Variants in GRM2 observed in about 807,000 individuals in gnomAD.
The protein encoded by GRM2 is glutamate metabotropic receptor 2.
Under a neutral mutation model 60.4 loss-of-function variants are expected in GRM2, and 35 were observed. The ratio of observed to expected loss-of-function variants is 0.58; its 90% CI spans 0.44 to 0.77. The LOEUF (loss-of-function observed/expected upper bound fraction) is 0.77. GRM2 is among the 30% of genes least tolerant of loss of function. The pLI, the probability that GRM2 is intolerant of heterozygous loss-of-function variation, is 0.00. For synonymous variants in GRM2, 437 were observed against 484.1 expected, an observed-to-expected ratio of 0.90 and a Z score of 1.28; for missense variants, 925 against 1,199.5, an observed-to-expected ratio of 0.77 and a Z score of 3.38.
At chr3:51,714,410 A>T in intron 3 of GRM2, 1 of 153,756 alleles carries the variant, frequency 6.5e-6, no homozygotes, top group South Asian at 2.0e-4. Context: ...GGGGCCAGGG[A>T]TGGCTGTAAA....
Position 51,712,086 on chromosome 3 carries a change from G to A in GRM2, c.451-387G>A, listed in dbSNP as rs1703730465. Among the ~76,000 whole-genome samples, 1 of 152,164 alleles carries A rather than the reference G, an allele frequency of 6.6e-6. No homozygotes were observed. Among genetic ancestry groups the A allele is most frequent in the South Asian group, 2.1e-4 (1 of 4,830 alleles). ...GGAAGGGCCACCTACCCTCAAATAA[G>A]TAGAGAGCCGAAGAGCCCTGAGTAG... On this transcript the variant is annotated intron_variant, in intron 2 of 5. Transcript: ENST00000395052. The surrounding 1 kb of genome is among the most constrained non-coding windows in gnomAD (Gnocchi z 5.3).
rs571296775 is a variant in GRM2, at chr3:51,716,949, G to T, written c.2365-688G>T. Among the ~76,000 whole-genome samples the T allele has an allele frequency of 9.2e-5, 14 of 152,252 alleles. No homozygotes were observed. The highest frequency in any genetic ancestry group is 3.4e-4 in the African/African-American group (14 of 41,530). On this transcript the variant is annotated intron_variant, in intron 4 of 5. Coordinates refer to ENST00000395052, the MANE Select transcript of GRM2 (RefSeq NM_000839.5). The surrounding 1 kb of genome is among the most constrained non-coding windows in gnomAD (Gnocchi z 4.0). ...AGTGCTGGGGGCCAGGGACCGCTGG[G>T]CTTGGCTGCTCTGCTTGCACCTGCT...
At position 51,712,853 on chromosome 3, in the gene GRM2, G is replaced by A; in HGVS notation, c.831G>A (p.Glu277=). Residue 277 remains glutamate, a synonymous_variant, in exon 3 of 6, where the codon GAG becomes GAA. Coordinates refer to ENST00000395052, the MANE Select transcript of GRM2 (RefSeq NM_000839.5). This position sits in a 1 kb window ranked among gnomAD's most constrained non-coding sequence, Gnocchi z 5.3. ...TCACCCGTTCTGAGGATGCCCGGGA[G>A]CTGCTTGCTGCCAGCCAGCGCCTCA... The part of the protein sequence containing the change: ...VLFTRSEDAR[E]LLAASQRLNA... The A allele has an allele frequency of 1.9e-6, 3 of 1,612,936 alleles. No individual in the cohort carries two copies. The highest frequency in any genetic ancestry group is 2.2e-5 in the South Asian group (2 of 91,084).
chr3:51,716,247 C>T lies in GRM2; in HGVS notation c.2364+110C>T. 1 of 726,044 alleles carries T rather than the reference C, an allele frequency of 1.4e-6. No homozygotes were observed. The highest frequency in any genetic ancestry group is 2.3e-6 in the Non-Finnish European group (1 of 430,128). 45.0% of individuals were successfully genotyped at this position (726,044 alleles called of 1,614,324 possible). A position where few individuals can be genotyped will look rare whatever the true frequency, so the allele number is the denominator to read the frequency against. ...TGGGGTTCCAAGAGGATAATGCCCA[C>T]TCAGGGGACCACAGCTTGTGTGGAT... On this transcript the variant is annotated intron_variant, in intron 4 of 5. Coordinates refer to ENST00000395052, the MANE Select transcript of GRM2 (RefSeq NM_000839.5). The surrounding 1 kb of genome is among the most constrained non-coding windows in gnomAD (Gnocchi z 4.0).
chr3:51,709,748 A>ACC, intron 2 of GRM2, among the ~76,000 whole-genome samples: 1 of 346 alleles, frequency 2.9e-3, no homozygotes, highest in Non-Finnish European at 5.2e-3. Context: ...ACACACCCAC[A>ACC]CACACCCAAC....
chr3:51,718,158 T>A lies in GRM2; in HGVS notation c.*46T>A. 6.7e-7 allele frequency: 1 copy of A among 1,497,366 alleles called. No homozygotes were observed. The highest frequency in any genetic ancestry group is 9.3e-7 in the Non-Finnish European group (1 of 1,073,244). 92.8% of individuals were successfully genotyped at this position (1,497,366 alleles called of 1,614,324 possible). On this transcript the variant is annotated 3_prime_UTR_variant, in exon 6 of 6. Coordinates refer to ENST00000395052, the MANE Select transcript of GRM2 (RefSeq NM_000839.5). This position sits in a 1 kb window ranked among gnomAD's most constrained non-coding sequence, Gnocchi z 4.2. Reference sequence around the variant, plus strand: ...GACACAGCTGCTCCTGGGAACCTAGTGCAGACCCACGTCCAGGGCCAGGAG... The same window carrying A: ...GACACAGCTGCTCCTGGGAACCTAGAGCAGACCCACGTCCAGGGCCAGGAG...
Position 51,717,895 on chromosome 3 carries a change from G to A in GRM2, c.2545+78G>A. Reference sequence around the variant, plus strand: ...CTTGGGTTGCTGAGATCTCTTGTCTGGGGGTGAGGTGCCCCCCAAATGACA... The same window carrying A: ...CTTGGGTTGCTGAGATCTCTTGTCTAGGGGTGAGGTGCCCCCCAAATGACA... On this transcript the variant is annotated intron_variant, in intron 5 of 5. Coordinates refer to ENST00000395052, the MANE Select transcript of GRM2 (RefSeq NM_000839.5). The surrounding 1 kb of genome is among the most constrained non-coding windows in gnomAD (Gnocchi z 6.0). The A allele has an allele frequency of 4.7e-6, 7 of 1,489,418 alleles. No individual in the cohort carries two copies. The highest frequency in any genetic ancestry group is 6.5e-6 in the Non-Finnish European group (7 of 1,069,026). 92.3% of individuals were successfully genotyped at this position (1,489,418 alleles called of 1,614,324 possible). A position where few individuals can be genotyped will look rare whatever the true frequency, so the allele number is the denominator to read the frequency against.
chr3:51,715,442 C>A lies in GRM2; in HGVS notation c.1669C>A (p.Pro557Thr). The change falls in exon 4 of 6, where the codon CCC becomes ACC. Residue 557 changes from proline to threonine, a missense_variant. Physicochemically the swap from Pro to Thr is conservative, Grantham distance 38. Coordinates refer to ENST00000395052, the MANE Select transcript of GRM2 (RefSeq NM_000839.5). This position sits in a 1 kb window ranked among gnomAD's most constrained non-coding sequence, Gnocchi z 9.0. ...CAGCCTGACTGGCTGCTTCGAACTG[C>A]CCCAGGAGTACATCCGCTGGGGCGA... ...NASLTGCFEL[P>T]QEYIRWGDAW... is the part of the protein sequence containing the mutation. 1.2e-6 allele frequency: 2 copies of A among 1,612,664 alleles called. No homozygotes were observed. The highest frequency in any genetic ancestry group is 1.7e-6 in the Non-Finnish European group (2 of 1,179,768).
rs141999707 is a variant in GRM2, at chr3:51,715,435, C to T, written c.1662C>T (p.Phe554=). 5.8e-5 allele frequency: 94 copies of T among 1,612,814 alleles called. No homozygotes were observed. The African/African-American group carries it at 8.8e-4, about 15-fold the overall frequency. Residue 554 remains phenylalanine, a synonymous_variant, in exon 4 of 6, where the codon TTC becomes TTT. Transcript: ENST00000395052. The surrounding 1 kb of genome is among the most constrained non-coding windows in gnomAD (Gnocchi z 9.0). ...YWPNASLTGC[F]ELPQEYIRWG... ...CCAATGCCAGCCTGACTGGCTGCTT[C>T]GAACTGCCCCAGGAGTACATCCGCT... is the stretch of plus-strand genomic sequence containing the variant.
Position 51,715,677 on chromosome 3 carries a change from G to A in GRM2, c.1904G>A (p.Arg635Gln), listed in dbSNP as rs780930849. 1.2e-5 allele frequency: 19 copies of A among 1,614,112 alleles called. No homozygotes were observed. Among genetic ancestry groups the A allele is most frequent in the South Asian group, 3.3e-5 (3 of 91,084 alleles). ...CCATCCACGGCAGTGTGTACCTTAC[G>A]GCGTCTTGGTTTGGGCACTGCCTTC... ...AKPSTAVCTLRRLGLGTAFSV... is the reference protein window; with the variant it reads ...AKPSTAVCTLQRLGLGTAFSV... Residue 635 changes from arginine to glutamine, a missense_variant, in exon 4 of 6, where the codon CGG (arginine) becomes CAG (glutamine). By Grantham distance (43) the Arg-to-Gln change is conservative. Coordinates refer to ENST00000395052, the MANE Select transcript of GRM2 (RefSeq NM_000839.5). The surrounding 1 kb of genome is among the most constrained non-coding windows in gnomAD (Gnocchi z 9.0).
Position 51,708,972 on chromosome 3 carries a change from C to G in GRM2, c.-12C>G. The G allele has an allele frequency of 1.3e-6, 2 of 1,552,834 alleles. No individual in the cohort carries two copies. The highest frequency in any genetic ancestry group is 8.7e-7 in the Non-Finnish European group (1 of 1,144,874). On this transcript the variant is annotated 5_prime_UTR_variant, in exon 2 of 6. Transcript: ENST00000395052. ...CCCAGGTCTGCGGGACCCATCCATC[C>G]CCTTTGGGGCCATGGGATCGCTGCT... is the stretch of plus-strand genomic sequence containing the variant.
At position 51,715,741 on chromosome 3, in the gene GRM2, C is replaced by T. The variant is rs1263896840; in HGVS notation, c.1968C>T (p.Arg656=). Residue 656 remains arginine, a synonymous_variant, in exon 4 of 6, where the codon CGC becomes CGT. Transcript: ENST00000395052. The surrounding 1 kb of genome is among the most constrained non-coding windows in gnomAD (Gnocchi z 9.0). The part of the protein sequence containing the change: ...CYSALLTKTN[R]IARIFGGARE... ...CAGCCCTGCTCACCAAGACCAACCGCATTGCACGCATCTTCGGTGGGGCCC... is the reference window on the plus strand; with the variant it reads ...CAGCCCTGCTCACCAAGACCAACCGTATTGCACGCATCTTCGGTGGGGCCC... The T allele has an allele frequency of 1.9e-6, 3 of 1,614,130 alleles. No individual in the cohort carries two copies. Among genetic ancestry groups the T allele is most frequent in the Non-Finnish European group, 1.7e-6 (2 of 1,179,966 alleles).
At chr3:51,714,849 T>C in intron 3 of GRM2, 1 of 430,826 alleles carries the variant, frequency 2.3e-6, no homozygotes, top group Non-Finnish European at 4.1e-6. Context: ...AGGGTTGGGG[T>C]TTGATGTTGG....
In GRM2 at chr3:51,716,579, T is replaced by G. The variant is rs1703904341; in HGVS notation, c.2364+442T>G. Among the ~76,000 whole-genome samples the G allele has an allele frequency of 6.6e-6, 1 of 152,156 alleles. No homozygotes were observed. Among genetic ancestry groups the G allele is most frequent in the African/African-American group, 2.4e-5 (1 of 41,424 alleles). Reference sequence around the variant, plus strand: ...CAGGTGAAAATTGTTCCCCAGTTGGTGGCTTCTGAGCAAATTTGGTTCCAA... The same window carrying G: ...CAGGTGAAAATTGTTCCCCAGTTGGGGGCTTCTGAGCAAATTTGGTTCCAA... On this transcript the variant is annotated intron_variant, in intron 4 of 5. Coordinates refer to ENST00000395052, the MANE Select transcript of GRM2 (RefSeq NM_000839.5). This position sits in a 1 kb window ranked among gnomAD's most constrained non-coding sequence, Gnocchi z 4.0.
chr3:51,709,141 T>C lies in GRM2; in HGVS notation c.158T>C (p.Val53Ala). The C allele has an allele frequency of 6.2e-7, 1 of 1,612,500 alleles. No individual in the cohort carries two copies. The highest frequency in any genetic ancestry group is 8.5e-7 in the Non-Finnish European group (1 of 1,179,568). Residue 53 changes from valine to alanine, a missense_variant, in exon 2 of 6, where the codon GTC becomes GCC. Coordinates refer to ENST00000395052, the MANE Select transcript of GRM2 (RefSeq NM_000839.5). ...GGCCCAGCAGAGGACTGTGGTCCTG[T>C]CAATGAGCACCGTGGCATCCAGCGC... is the stretch of plus-strand genomic sequence containing the variant. ...KGGPAEDCGP[V>A]NEHRGIQRLE...
Position 51,712,636 on chromosome 3 carries a change from C to A in GRM2, c.614C>A (p.Thr205Asn). ...GAGATTCTCCGCTTCTTCAACTGGA[C>A]CTATGTGTCCACTGTGGCGTCTGAG... ...MAEILRFFNWTYVSTVASEGD... is the reference protein window; with the variant it reads ...MAEILRFFNWNYVSTVASEGD... Residue 205 changes from threonine (T) to asparagine (N), a missense_variant, in exon 3 of 6, where the codon ACC (threonine) becomes AAC (asparagine). Physicochemically the swap from Thr to Asn is moderately conservative, Grantham distance 65. Coordinates refer to ENST00000395052, the MANE Select transcript of GRM2 (RefSeq NM_000839.5). This position sits in a 1 kb window ranked among gnomAD's most constrained non-coding sequence, Gnocchi z 5.3. 1.2e-6 allele frequency: 2 copies of A among 1,614,142 alleles called. No individual in the cohort carries two copies. The highest frequency in any genetic ancestry group is 1.7e-6 in the Non-Finnish European group (2 of 1,180,036).
rs1419300011 is a variant in GRM2, at chr3:51,715,612, C to T, written c.1839C>T (p.Val613=). 3.1e-6 allele frequency: 5 copies of T among 1,614,110 alleles called. No homozygotes were observed. The highest frequency in any genetic ancestry group is 2.7e-5 in the African/African-American group (2 of 74,948). Residue 613 remains valine (V), a synonymous_variant, in exon 4 of 6, where the codon GTC becomes GTT. Transcript: ENST00000395052. This position sits in a 1 kb window ranked among gnomAD's most constrained non-coding sequence, Gnocchi z 9.0. ...TCTGCTACATCCTGCTGGGTGGTGT[C>T]TTCCTCTGCTACTGCATGACCTTCA... is the stretch of plus-strand genomic sequence containing the variant. The part of the protein sequence containing the change: ...RELCYILLGG[V]FLCYCMTFIF...
rs765432763 is a variant in GRM2 at position 51,718,013 on chromosome 3, C to T, written c.2546-26C>T. The T allele has an allele frequency of 6.2e-7, 1 of 1,610,594 alleles. No individual in the cohort carries two copies. The highest frequency in any genetic ancestry group is 8.5e-7 in the Non-Finnish European group (1 of 1,176,820). On this transcript the variant is annotated intron_variant, in intron 5 of 5. Transcript: ENST00000395052. This position sits in a 1 kb window ranked among gnomAD's most constrained non-coding sequence, Gnocchi z 4.2. ...CTCCATGGAGGACCTCGGGATTGGC[C>T]CCAACCTCTGGCTTCCTTTTCTTAG...
intron 2 of GRM2, among the ~76,000 whole-genome samples, chr3:51,709,693 ACC>A (rs1703629844): frequency 2.7e-4 from 1 of 3,696 alleles, no homozygotes. Flanking sequence ...CACCCCACAC[ACC>A]CTCACACACA....
Sources: gnomAD v4.1 joint callset for allele counts (sites outside exome capture counted in the v4.1 genomes callset) on GRCh38, gnomAD v4.1.1 for gene constraint, Gnocchi (gnomAD v3.1) non-coding constraint, MANE v1.5 for transcripts, NCBI Gene and HGNC (gene_info 2026-07-23, HGNC 2026-07-21) for gene names.